MRPL48: variants seen among roughly 807,000 people sequenced by gnomAD.
MRPL48 encodes the protein mitochondrial ribosomal protein L48, also known as large ribosomal subunit protein mL48.
A neutral mutation model predicts 32.9 loss-of-function variants in MRPL48; 16 were observed. The ratio of observed to expected loss-of-function variants is 0.49; its 90% CI spans 0.33 to 0.74. MRPL48 has a LOEUF of 0.74. Ranked by LOEUF, MRPL48 falls within the 30% of genes least tolerant of loss-of-function variation. The pLI is 0.02. For missense variants in MRPL48, 206 were observed against 245.3 expected, an observed-to-expected ratio of 0.84 and a Z score of 1.07; for synonymous variants, 94 against 89.2, an observed-to-expected ratio of 1.05 and a Z score of -0.31.
intron 1 of MRPL48, 57 bp downstream of exon 1, chr11:73,788,049 G>T: frequency 6.2e-7 from 1 of 1,602,962 alleles, no homozygotes; most frequent in Non-Finnish European, 8.5e-7. Flanking sequence ...TGCAGAGAGG[G>T]GAGATGGCGG....
chr11:73,796,930 G>C (rs961157036), intron 1 of MRPL48, among the ~76,000 whole-genome samples: 1 of 152,186 alleles, frequency 6.6e-6, no homozygotes, highest in African/African-American at 2.4e-5. Flanking sequence ...AGCCGAGCGT[G>C]GTGGTGGGCG....
chr11:73,855,612 C>T (rs772465132), intron 5 of MRPL48, among the ~76,000 whole-genome samples: 10 of 152,044 alleles, frequency 6.6e-5, no homozygotes, highest in African/African-American at 9.7e-5. Flanking sequence ...CTCAGCCTCC[C>T]GAGTAGCTGG....
intron 1 of MRPL48, among the ~76,000 whole-genome samples, chr11:73,788,472 C>CT (rs11352308): frequency 0.14 from 15,670 of 109,518 alleles, 1,330 homozygotes; most frequent in Non-Finnish European, 0.17. Context: ...TCTTTTCTTT[C>CT]TTTTTTTTTT....
In MRPL48 at chr11:73,859,565, G is replaced by A. The variant is rs140292858; in HGVS notation, c.372-342G>A. Reference sequence around the variant, plus strand: ...CAAATTGCTGGGATTACAGGTGTGCGCCACCACATCTGGTCACTTGATTCT... The same window carrying A: ...CAAATTGCTGGGATTACAGGTGTGCACCACCACATCTGGTCACTTGATTCT... On this transcript the variant is annotated intron_variant, in intron 5 of 7. Coordinates refer to ENST00000310614, the MANE Select transcript of MRPL48 (RefSeq NM_016055.6). Among the ~76,000 whole-genome samples, 103 of 152,174 alleles carry A rather than the reference G, an allele frequency of 6.8e-4. 1 individual carries two copies. Among genetic ancestry groups the A allele is most frequent in the South Asian group, 4.1e-3 (20 of 4,822 alleles).
chr11:73,856,366 ATGACCT>A (rs1366934367), intron 5 of MRPL48, among the ~76,000 whole-genome samples: 2 of 152,128 alleles, frequency 1.3e-5, no homozygotes, highest in Non-Finnish European at 2.9e-5. Context: ...GATGATTGCC[ATGACCT>A]TGAGATGGAA....
intron 1 of MRPL48, among the ~76,000 whole-genome samples, chr11:73,800,272 T>G (rs1255754698): frequency 1.3e-5 from 2 of 151,932 alleles, no homozygotes; most frequent in African/African-American, 4.8e-5. Context: ...AGACAAATAG[T>G]ATGCGTAAAG....
chr11:73,824,674 CAGTT>C (rs1485942394), intron 3 of MRPL48, among the ~76,000 whole-genome samples: 1 of 151,728 alleles, frequency 6.6e-6, no homozygotes, highest in African/African-American at 2.4e-5. Flanking sequence ...TATATAGTCA[CAGTT>C]AGAAAACTTC....
intron 5 of MRPL48, among the ~76,000 whole-genome samples, 153 bp from the exon 6 acceptor site, chr11:73,859,754 G>C (rs1303949885): frequency 6.6e-6 from 1 of 152,096 alleles, no homozygotes; most frequent in African/African-American, 2.4e-5. Context: ...CAGGTAAGAG[G>C]GATCTAGTTA....
At chr11:73,811,181 C>G (rs1274390037) in intron 3 of MRPL48, among the ~76,000 whole-genome samples, 1 of 152,032 alleles carries the variant, frequency 6.6e-6, no homozygotes, top group Non-Finnish European at 1.5e-5. Context: ...ACAGTTTCAA[C>G]TGTGCTACTG....
At chr11:73,831,432 C>T (rs1947991668) in intron 4 of MRPL48, among the ~76,000 whole-genome samples, 1 of 152,132 alleles carries the variant, frequency 6.6e-6, no homozygotes, top group South Asian at 2.1e-4. Flanking sequence ...CATGCTCTTT[C>T]CTTTGTATGG....
At chr11:73,840,079 T>G (rs1406817524) in intron 4 of MRPL48, among the ~76,000 whole-genome samples, 1 of 147,854 alleles carries the variant, frequency 6.8e-6, no homozygotes, top group Non-Finnish European at 1.5e-5. Context: ...ACCTGGGCAA[T>G]ATAGTGAGAC....
At chr11:73,862,764 T>C (rs1247496163) in intron 6 of MRPL48, among the ~76,000 whole-genome samples, 1 of 151,760 alleles carries the variant, frequency 6.6e-6, no homozygotes, top group South Asian at 2.1e-4. Flanking sequence ...AAAATAAAAA[T>C]AAAAAATTAG....
chr11:73,798,956 A>T (rs1401552705), intron 1 of MRPL48, among the ~76,000 whole-genome samples: 1 of 149,122 alleles, frequency 6.7e-6, no homozygotes, highest in Non-Finnish European at 1.5e-5. Flanking sequence ...GCACCATTGC[A>T]CTCTAGCCCT....
At chr11:73,860,993 G>A (rs1479672468) in intron 6 of MRPL48, among the ~76,000 whole-genome samples, 7 of 152,020 alleles carry the variant, frequency 4.6e-5, no homozygotes, top group Non-Finnish European at 7.4e-5. Flanking sequence ...TTCATTTAGC[G>A]TAATGTTTTC....
chr11:73,820,079 T>C (rs1947747236), intron 3 of MRPL48, among the ~76,000 whole-genome samples: 1 of 152,184 alleles, frequency 6.6e-6, no homozygotes, highest in South Asian at 2.1e-4. Flanking sequence ...GCTACCAATC[T>C]AATCTCCCTA....
At chr11:73,840,052 T>A (rs1239763115) in intron 4 of MRPL48, among the ~76,000 whole-genome samples, 1 of 151,270 alleles carries the variant, frequency 6.6e-6, no homozygotes, top group Non-Finnish European at 1.5e-5. Flanking sequence ...GAGCTACCGT[T>A]GTGTCACTGC....
intron 3 of MRPL48, among the ~76,000 whole-genome samples, chr11:73,824,594 AAC>A (rs1947849883): frequency 6.6e-6 from 1 of 152,126 alleles, no homozygotes; most frequent in Non-Finnish European, 1.5e-5. Flanking sequence ...CAAAAAAAAA[AAC>A]AAAAAAACTT....
chr11:73,805,965 A>G (rs949337109), intron 2 of MRPL48, among the ~76,000 whole-genome samples: 12 of 151,996 alleles, frequency 7.9e-5, no homozygotes, highest in African/African-American at 2.9e-4. Context: ...TTCTTTCTCC[A>G]GTTTTTGCCT....
chr11:73,789,660 A>G (rs146303690), intron 1 of MRPL48, among the ~76,000 whole-genome samples: 71 of 152,306 alleles, frequency 4.7e-4, no homozygotes, highest in African/African-American at 1.7e-3. Context: ...AATTGTAGAG[A>G]CTATAGGGAA....
Sources: gnomAD v4.1 joint callset for allele counts (sites outside exome capture counted in the v4.1 genomes callset) on GRCh38, gnomAD v4.1.1 for gene constraint, MANE v1.5 for transcripts, NCBI Gene and HGNC (gene_info 2026-07-23, HGNC 2026-07-21) for gene names.